The following SPSB4 variants were observed in gnomAD, a reference collection of about 807,000 sequenced individuals.
The protein encoded by SPSB4 is splA/ryanodine receptor domain and SOCS box containing 4, also known as SPRY domain-containing SOCS box protein 4.
Under a neutral mutation model 20.9 loss-of-function variants are expected in SPSB4, and 21 were observed. That is an observed-to-expected ratio of 1.01 (90% CI 0.71 to 1.45). The LOEUF (loss-of-function observed/expected upper bound fraction) is 1.45, where lower values mean the gene tolerates loss of function less well. Among genes scored for constraint, SPSB4 ranks in the 40% most tolerant of loss-of-function variants. The pLI is 0.00. For synonymous variants in SPSB4, 207 were observed against 183.8 expected (o/e 1.13, Z -1.02); for missense variants, 399 against 399.2 (o/e 1.00, Z 0.00).
chr3:141,064,591 C>T (rs757856423), intron 1 of SPSB4, among the ~76,000 whole-genome samples: 1 of 152,080 alleles, frequency 6.6e-6, no homozygotes, highest in Non-Finnish European at 1.5e-5. Flanking sequence ...TTCTTTTCGT[C>T]CCTACCTGGA....
At chr3:141,076,014 G>A (rs6774862) in intron 2 of SPSB4, among the ~76,000 whole-genome samples, 22,073 of 151,892 alleles carry the variant, frequency 0.15, 4,978 homozygotes, top group African/African-American at 0.49. Flanking sequence ...AGCTGAGATC[G>A]AGCCACTGCA....
At chr3:141,102,437 GC>G (rs975567378) in intron 2 of SPSB4, among the ~76,000 whole-genome samples, 2 of 152,200 alleles carry the variant, frequency 1.3e-5, no homozygotes, top group African/African-American at 2.4e-5. Context: ...TATGAGTGGG[GC>G]CTGGTCTGTC....
At chr3:141,075,828 C>T (rs1316625665) in intron 2 of SPSB4, among the ~76,000 whole-genome samples, 1 of 145,944 alleles carries the variant, frequency 6.9e-6, no homozygotes, top group Non-Finnish European at 1.5e-5. Context: ...AGGCGGATCA[C>T]TTGAGGTCAG....
intron 2 of SPSB4, among the ~76,000 whole-genome samples, chr3:141,099,969 T>A (rs576365320): frequency 2.1e-4 from 32 of 152,258 alleles, no homozygotes; most frequent in African/African-American, 7.5e-4. Context: ...AAAGCCACAG[T>A]TTTGTGATAG....
At chr3:141,141,289 G>A (rs969056213) in intron 2 of SPSB4, among the ~76,000 whole-genome samples, 18 of 152,216 alleles carry the variant, frequency 1.2e-4, no homozygotes, top group Admixed American at 4.6e-4. Flanking sequence ...CAGGTGAGGC[G>A]ACGCCTCGCC....
intron 2 of SPSB4, among the ~76,000 whole-genome samples, chr3:141,121,232 T>A (rs1938962210): frequency 6.6e-6 from 1 of 152,234 alleles, no homozygotes; most frequent in African/African-American, 2.4e-5. Context: ...GAATGTTGAA[T>A]ATTGCCCCTC....
intron 2 of SPSB4, among the ~76,000 whole-genome samples, chr3:141,091,189 G>A (rs1314808875): frequency 6.6e-6 from 1 of 152,230 alleles, no homozygotes; most frequent in Non-Finnish European, 1.5e-5. Flanking sequence ...TAGCCATGAT[G>A]TAGCATGAAA....
chr3:141,140,782 C>A (rs1443513996), intron 2 of SPSB4, among the ~76,000 whole-genome samples: 2 of 152,170 alleles, frequency 1.3e-5, no homozygotes, highest in Non-Finnish European at 2.9e-5. Flanking sequence ...GGGTCAGGGA[C>A]CCACTTGAGG....
intron 1 of SPSB4, among the ~76,000 whole-genome samples, chr3:141,065,738 T>C (rs1160336668): frequency 1.3e-5 from 2 of 152,226 alleles, no homozygotes; most frequent in African/African-American, 2.4e-5. Context: ...ATATCTCTTA[T>C]AGGGAGATGT....
chr3:141,066,379 G>A lies in SPSB4; in HGVS notation c.275G>A (p.Gly92Asp). Reference sequence around the variant, plus strand: ...ACCGACGGCATCCGCGGCAAGGTGGGCCACGCCCGCGGCCTGCACGCCTGG... The same window carrying A: ...ACCGACGGCATCCGCGGCAAGGTGGACCACGCCCGCGGCCTGCACGCCTGG... Reference protein sequence around the residue: ...QSTDGIRGKVGHARGLHAWQI... With the variant: ...QSTDGIRGKVDHARGLHAWQI... Residue 92 changes from glycine to aspartate, a missense_variant, in exon 2 of 3, where the codon GGC becomes GAC. Coordinates refer to ENST00000310546, the MANE Select transcript of SPSB4 (RefSeq NM_080862.3). 6.5e-7 allele frequency: 1 copy of A among 1,547,582 alleles called. No homozygotes were observed. The highest frequency in any genetic ancestry group is 1.4e-5 in the African/African-American group (1 of 73,048).
Position 141,058,625 on chromosome 3 carries a change from C to T in SPSB4, c.-154+6633C>T, listed in dbSNP as rs138349104. On this transcript the variant is annotated intron_variant, in intron 1 of 2. Coordinates refer to ENST00000310546, the MANE Select transcript of SPSB4 (RefSeq NM_080862.3). ...GGAGAAATGTGCTAAGTGCCCACTC[C>T]CTCTGGCTGGAGAGAGAAGGCAGGG... Among the ~76,000 whole-genome samples the T allele has an allele frequency of 2.2e-3, 337 of 152,242 alleles. 3 individuals carry two copies. Among genetic ancestry groups the T allele is most frequent in the African/African-American group, 7.5e-3 (310 of 41,558 alleles).
At chr3:141,057,695 G>T (rs893602275) in intron 1 of SPSB4, among the ~76,000 whole-genome samples, 1 of 152,168 alleles carries the variant, frequency 6.6e-6, no homozygotes, top group African/African-American at 2.4e-5. Flanking sequence ...GAGCACAGGG[G>T]GCTGGGGAGC....
In SPSB4 at chr3:141,113,620, A is replaced by G. The variant is rs543841595; in HGVS notation, c.695-33522A>G. ...GGCATGGAATATCCAGAATAGGTAAATTCATAGAGACAGAGGGTAGATTAG... is the reference window on the plus strand; with the variant it reads ...GGCATGGAATATCCAGAATAGGTAAGTTCATAGAGACAGAGGGTAGATTAG... On this transcript the variant is annotated intron_variant, in intron 2 of 2. Transcript: ENST00000310546. 3.9e-5 allele frequency among the ~76,000 whole-genome samples: 6 copies of G among 152,314 alleles called. No homozygotes were observed. In the South Asian group the frequency reaches 1.2e-3, roughly 32 times the overall value.
chr3:141,111,896 C>T (rs1051957360), intron 2 of SPSB4, among the ~76,000 whole-genome samples: 1 of 152,192 alleles, frequency 6.6e-6, no homozygotes, highest in Non-Finnish European at 1.5e-5. Flanking sequence ...CCTCAGAAGA[C>T]CTCAAAGCCC....
At chr3:141,084,953 TA>T (rs1313423134) in intron 2 of SPSB4, among the ~76,000 whole-genome samples, 1 of 152,154 alleles carries the variant, frequency 6.6e-6, no homozygotes, top group African/African-American at 2.4e-5. Context: ...GAATTGGTGA[TA>T]GGGGTTGTAA....
At chr3:141,073,107 C>T (rs1209432966) in intron 2 of SPSB4, among the ~76,000 whole-genome samples, 1 of 152,204 alleles carries the variant, frequency 6.6e-6, no homozygotes, top group Non-Finnish European at 1.5e-5. Context: ...ATTGAAATTT[C>T]CTTTCTGCCC....
At position 141,060,785 on chromosome 3, in the gene SPSB4, C is replaced by T. The variant is rs371324705; in HGVS notation, c.-153-5167C>T. ...CTGTTCCACACATTCTCCAAGCATG[C>T]GTTATCCATTTTTTTGACCTTTAAT... On this transcript the variant is annotated intron_variant, in intron 1 of 2. Coordinates refer to ENST00000310546, the MANE Select transcript of SPSB4 (RefSeq NM_080862.3). Among the ~76,000 whole-genome samples the T allele has an allele frequency of 3.0e-4, 46 of 152,268 alleles. No individual in the cohort carries two copies. In the East Asian group the frequency reaches 3.5e-3, roughly 11 times the overall value.
intron 2 of SPSB4, among the ~76,000 whole-genome samples, chr3:141,072,598 C>T (rs1938027460): frequency 6.6e-6 from 1 of 152,162 alleles, no homozygotes; most frequent in Non-Finnish European, 1.5e-5. Context: ...TTCCTGAGGC[C>T]CTCAGCAGAA....
chr3:141,104,356 A>G (rs1419991402), intron 2 of SPSB4, among the ~76,000 whole-genome samples: 8 of 152,098 alleles, frequency 5.3e-5, no homozygotes, highest in Admixed American at 3.9e-4. Flanking sequence ...GACTGGCAAG[A>G]GGGAAGTTTG....
Sources: gnomAD v4.1 joint callset for allele counts (sites outside exome capture counted in the v4.1 genomes callset) on GRCh38, gnomAD v4.1.1 for gene constraint, MANE v1.5 for transcripts, NCBI Gene and HGNC (gene_info 2026-07-23, HGNC 2026-07-21) for gene names.